Variants in SNX13 observed in about 807,000 individuals in gnomAD.
SNX13 encodes sorting nexin-13.
In SNX13, 45 loss-of-function variants were observed where a neutral mutation model predicts 133.6. The observed-to-expected ratio is 0.34, with a 90% CI of 0.27 to 0.43. SNX13 has a LOEUF of 0.43. Among genes scored for constraint, SNX13 ranks in the 20% least tolerant of loss-of-function variants. The pLI is 1.00. For missense variants in SNX13, 1,032 were observed against 1,145.1 expected (o/e 0.90, Z 1.43); for synonymous variants, 414 against 373.9 (o/e 1.11, Z -1.24).
At chr7:17,889,615 AAGTT>A (rs1320155741) in intron 5 of SNX13, 2 of 152,208 alleles carry the variant, frequency 1.3e-5, no homozygotes, top group Non-Finnish European at 2.9e-5. Flanking sequence ...GGCTTTCAAA[AAGTT>A]AGACATCAAG....
chr7:17,938,343 T>C (rs939994891), intron 1 of SNX13, among the ~76,000 whole-genome samples: 3 of 152,202 alleles, frequency 2.0e-5, no homozygotes, highest in Non-Finnish European at 4.4e-5. Context: ...AGTTAGGAGA[T>C]GAGATTCCAG....
chr7:17,796,601 G>A (rs529023795), intron 25 of SNX13: 40 of 430,810 alleles, frequency 9.3e-5, no homozygotes, highest in Middle Eastern at 6.2e-4. Flanking sequence ...CTGAGCTTCC[G>A]TTTCCTCACA....
At chr7:17,800,796 A>C (rs1231670584) in intron 22 of SNX13, among the ~76,000 whole-genome samples, 2 of 151,448 alleles carry the variant, frequency 1.3e-5, no homozygotes, top group African/African-American at 4.8e-5. Flanking sequence ...TCAAATGGCC[A>C]ATAAACATAT....
chr7:17,817,997 T>C (rs943746941), intron 18 of SNX13, among the ~76,000 whole-genome samples: 1 of 152,076 alleles, frequency 6.6e-6, no homozygotes, highest in Non-Finnish European at 1.5e-5. Flanking sequence ...ATGAGCCCCT[T>C]AGGGTGGGCC....
At chr7:17,841,299 T>G (rs1382050445) in intron 12 of SNX13, among the ~76,000 whole-genome samples, 1 of 151,916 alleles carries the variant, frequency 6.6e-6, no homozygotes, top group Non-Finnish European at 1.5e-5. Context: ...AGCCATGCAT[T>G]AAAAATGAGG....
intron 18 of SNX13, among the ~76,000 whole-genome samples, chr7:17,818,217 T>C (rs182283821): frequency 6.6e-6 from 1 of 152,270 alleles, no homozygotes; most frequent in East Asian, 1.9e-4. Context: ...AAAATACATT[T>C]CTGTTGTTTG....
chr7:17,864,139 A>G (rs1472007587), intron 9 of SNX13, among the ~76,000 whole-genome samples: 2 of 152,208 alleles, frequency 1.3e-5, no homozygotes, highest in Non-Finnish European at 2.9e-5. Flanking sequence ...ATGAACATCT[A>G]CAAGCACCAA....
At chr7:17,801,732 C>T in intron 21 of SNX13, 73 bp from the exon 22 acceptor site, 1 of 1,103,056 alleles carries the variant, frequency 9.1e-7, no homozygotes, top group Admixed American at 2.5e-5. Context: ...CAATCATAAA[C>T]CTAAATGAGT....
At chr7:17,898,068 T>C (rs559260169) in intron 1 of SNX13, 1 of 150,892 alleles carries the variant, frequency 6.6e-6, no homozygotes, top group Non-Finnish European at 1.5e-5. Flanking sequence ...CCAAAAAGTA[T>C]CCATACATTA....
chr7:17,890,075 G>A (rs949194708), intron 5 of SNX13: 17 of 226,406 alleles, frequency 7.5e-5, no homozygotes, highest in South Asian at 1.3e-4. Context: ...GCAATAAGTG[G>A]GGTAACAGAT....
chr7:17,899,192 A>G (rs928297154), intron 1 of SNX13: 2 of 152,090 alleles, frequency 1.3e-5, no homozygotes, highest in African/African-American at 4.8e-5. Flanking sequence ...AATGTACTGG[A>G]GCACCATTCC....
At chr7:17,921,697 C>T (rs1042551891) in intron 1 of SNX13, among the ~76,000 whole-genome samples, 7 of 152,186 alleles carry the variant, frequency 4.6e-5, no homozygotes, top group South Asian at 2.1e-4. Context: ...ACCCAGCTTA[C>T]GCCACATACA....
intron 9 of SNX13, among the ~76,000 whole-genome samples, chr7:17,858,036 A>G (rs1792137853): frequency 6.6e-6 from 1 of 152,188 alleles, no homozygotes. Flanking sequence ...CCTCAACACA[A>G]TTAAACACCA....
intron 1 of SNX13, among the ~76,000 whole-genome samples, chr7:17,940,047 C>A (rs1802633315): frequency 6.6e-6 from 1 of 152,140 alleles, no homozygotes; most frequent in South Asian, 2.1e-4. Context: ...GTGCCAGGGG[C>A]GAGTGGCAAG....
intron 18 of SNX13, among the ~76,000 whole-genome samples, chr7:17,821,074 G>A (rs1787230232): frequency 6.6e-6 from 1 of 152,022 alleles, no homozygotes; most frequent in African/African-American, 2.4e-5. Context: ...ATGGATCAAG[G>A]ATTCATTTCA....
chr7:17,924,520 T>G (rs1244859933), intron 1 of SNX13, among the ~76,000 whole-genome samples: 1 of 152,166 alleles, frequency 6.6e-6, no homozygotes, highest in Non-Finnish European at 1.5e-5. Context: ...CTGGTAGAAA[T>G]GTAAAATAGT....
chr7:17,853,476 C>T (rs571747061), intron 9 of SNX13, among the ~76,000 whole-genome samples: 1 of 152,142 alleles, frequency 6.6e-6, no homozygotes, highest in Non-Finnish European at 1.5e-5. Context: ...ATCAATTATA[C>T]AGTGGAAGTT....
At chr7:17,895,431 TTTGACTATAAGCAAAATATAGACA>T (rs1349238288) in intron 2 of SNX13, among the ~76,000 whole-genome samples, 1 of 152,162 alleles carries the variant, frequency 6.6e-6, no homozygotes, top group Non-Finnish European at 1.5e-5. Flanking sequence ...AGGAGTTAAC[TTTGACTATAAGCAAAATATAGACA>T]TTATCAACAC....
rs35220289 is a variant in SNX13, at chr7:17,847,235, GCACA to G, written c.1066-1545_1066-1542del. ...AAATAAAGTTAACCAAAACAAAGGT[GCACA>G]CACACACACACACACGTAACAAATA... On this transcript the variant is annotated intron_variant, in intron 11 of 25. Coordinates refer to ENST00000428135, the MANE Select transcript of SNX13 (RefSeq NM_015132.5). Among the ~76,000 whole-genome samples the G allele has an allele frequency of 9.3e-5, 14 of 150,804 alleles. 1 individual carries two copies. The East Asian group carries it at 1.4e-3, about 15-fold the overall frequency.
Sources: gnomAD v4.1 joint callset for allele counts (sites outside exome capture counted in the v4.1 genomes callset) on GRCh38, gnomAD v4.1.1 for gene constraint, MANE v1.5 for transcripts, NCBI Gene and HGNC (gene_info 2026-07-23, HGNC 2026-07-21) for gene names.